Variants in LANCL1 observed in about 807,000 individuals in gnomAD.
The protein encoded by LANCL1 is LanC like glutathione S-transferase 1.
In LANCL1, 50 loss-of-function variants were observed where a neutral mutation model predicts 50.6. That is an observed-to-expected ratio of 0.99 (90% CI 0.79 to 1.25). The LOEUF is 1.25. LANCL1 is among the 50% of genes most tolerant of loss of function. LANCL1 has a pLI of 0.00. For synonymous variants in LANCL1, 188 were observed against 178.6 expected, an observed-to-expected ratio of 1.05 and a Z score of -0.42; for missense variants, 532 against 480.7, an observed-to-expected ratio of 1.11 and a Z score of -1.00.
intron 4 of LANCL1, among the ~76,000 whole-genome samples, chr2:210,449,561 T>C (rs1414070706): frequency 1.3e-5 from 2 of 152,200 alleles, no homozygotes; most frequent in East Asian, 1.9e-4. Flanking sequence ...GGAAGTCAAA[T>C]TGTCTCTGTC....
intron 4 of LANCL1, among the ~76,000 whole-genome samples, chr2:210,447,080 A>G (rs1693362516): frequency 6.6e-6 from 1 of 152,214 alleles, no homozygotes; most frequent in Non-Finnish European, 1.5e-5. Context: ...TGAAGGAAAA[A>G]GTGTTAAGGG....
At chr2:210,444,536 G>C (rs950272234) in intron 4 of LANCL1, among the ~76,000 whole-genome samples, 1 of 152,214 alleles carries the variant, frequency 6.6e-6, no homozygotes, top group East Asian at 1.9e-4. Context: ...AGCATGGCTA[G>C]TTGCAGTTAG....
chr2:210,465,821 G>T (rs775984027), intron 3 of LANCL1, among the ~76,000 whole-genome samples: 10 of 152,178 alleles, frequency 6.6e-5, no homozygotes, highest in Non-Finnish European at 1.5e-4. Flanking sequence ...GAGGAGAAAG[G>T]CTATCTGCCT....
At chr2:210,476,256 G>A (rs1694365469) in intron 2 of LANCL1, 60 bp downstream of exon 2, 2 of 1,234,098 alleles carry the variant, frequency 1.6e-6, no homozygotes, top group Non-Finnish European at 2.4e-6. Context: ...GCAAAAATGA[G>A]CACCTTTCCG....
intron 3 of LANCL1, chr2:210,460,442 G>T (rs962850498): frequency 2.6e-5 from 4 of 152,132 alleles, no homozygotes; most frequent in African/African-American, 7.2e-5. Context: ...AAACGTTAAT[G>T]GCTCATCAAT....
chr2:210,475,843 A>C (rs1694342155), intron 2 of LANCL1, among the ~76,000 whole-genome samples: 1 of 152,134 alleles, frequency 6.6e-6, no homozygotes, highest in African/African-American at 2.4e-5. Flanking sequence ...GGTACAAAGA[A>C]CTTCAGGTTT....
Position 210,436,445 on chromosome 2 carries a change from T to C in LANCL1, c.874-53A>G, listed in dbSNP as rs180868871. The C allele has an allele frequency of 1.8e-3, 2,707 of 1,519,690 alleles. 5 individuals are homozygous for C. The highest frequency in any genetic ancestry group is 2.4e-3 in the Non-Finnish European group (2,601 of 1,102,904). 94.1% of individuals were successfully genotyped at this position (1,519,690 alleles called of 1,614,324 possible). On this transcript the variant is annotated intron_variant, in intron 7 of 9. Transcript: ENST00000450366. The stretch of plus-strand genomic sequence containing the variant: ...ATACGGGATATAAAAGAAAGTTCCA[T>C]TGATATTCCTTCCTGATAGATAAGA...
At chr2:210,463,655 G>GT (rs1417144184) in intron 3 of LANCL1, among the ~76,000 whole-genome samples, 3 of 152,104 alleles carry the variant, frequency 2.0e-5, no homozygotes, top group African/African-American at 2.4e-5. Flanking sequence ...CATTATAGAA[G>GT]TAATTTGTTA....
At chr2:210,436,436 A>C (rs1391050600) in intron 7 of LANCL1, 44 bp from the exon 8 acceptor site, 1 of 1,563,800 alleles carries the variant, frequency 6.4e-7, no homozygotes, top group Admixed American at 1.7e-5. Flanking sequence ...GATATAAAAG[A>C]AAGTTCCATT....
intron 4 of LANCL1, among the ~76,000 whole-genome samples, chr2:210,441,876 G>A (rs1467438802): frequency 6.6e-6 from 1 of 151,586 alleles, no homozygotes; most frequent in African/African-American, 2.4e-5. Context: ...CTTGAAGTAG[G>A]TTTCATCTAT....
intron 3 of LANCL1, among the ~76,000 whole-genome samples, chr2:210,462,705 T>G (rs968508616): frequency 6.6e-6 from 1 of 152,192 alleles, no homozygotes; most frequent in East Asian, 1.9e-4. Context: ...GATTTTTTCA[T>G]TTTTCTAGCT....
At chr2:210,463,251 C>T (rs1461030631) in intron 3 of LANCL1, among the ~76,000 whole-genome samples, 1 of 151,824 alleles carries the variant, frequency 6.6e-6, no homozygotes, top group Non-Finnish European at 1.5e-5. Context: ...CCCTTTGTTG[C>T]TCAGGCTGGA....
intron 4 of LANCL1, among the ~76,000 whole-genome samples, chr2:210,444,999 T>C (rs1693267512): frequency 6.6e-6 from 1 of 152,124 alleles, no homozygotes; most frequent in Non-Finnish European, 1.5e-5. Context: ...GAAAACAAAA[T>C]GTGTTTATTA....
chr2:210,461,396 G>T (rs1008099782), intron 3 of LANCL1, among the ~76,000 whole-genome samples: 1 of 152,018 alleles, frequency 6.6e-6, no homozygotes, highest in Non-Finnish European at 1.5e-5. Flanking sequence ...CTCTGATGAA[G>T]AGCTACTTAC....
intron 3 of LANCL1, among the ~76,000 whole-genome samples, chr2:210,457,760 GCTAT>G (rs1383911051): frequency 6.6e-6 from 1 of 152,026 alleles, no homozygotes; most frequent in East Asian, 1.9e-4. Flanking sequence ...ATGCTTATGT[GCTAT>G]CTGTTAAGTT....
In LANCL1 at chr2:210,440,645, C is replaced by G; in HGVS notation, c.643G>C (p.Val215Leu). Residue 215 changes from valine (V) to leucine (L), a missense_variant, in exon 6 of 10, where the codon GTA becomes CTA. Physicochemically the swap from Val to Leu is conservative, Grantham distance 32 (BLOSUM62 1). Coordinates refer to ENST00000450366, the MANE Select transcript of LANCL1 (RefSeq NM_006055.3). The part of the protein sequence containing the change: ...LMYEWYQEYY[V>L]GAAHGLAGIY... ...CCAGCCAGGCCATGAGCAGCCCCTA[C>G]ATAATATTCCTGGTACCATTCATAC... 1 of 1,613,940 alleles carries G rather than the reference C, an allele frequency of 6.2e-7. No homozygotes were observed. The highest frequency in any genetic ancestry group is 8.5e-7 in the Non-Finnish European group (1 of 1,179,898).
intron 3 of LANCL1, among the ~76,000 whole-genome samples, chr2:210,467,847 TAAG>T (rs1317189405): frequency 1.3e-5 from 2 of 152,170 alleles, no homozygotes; most frequent in Non-Finnish European, 2.9e-5. Flanking sequence ...AATGAGGTAT[TAAG>T]AAGTTGGGCA....
At chr2:210,441,685 CT>C (rs962081366) in intron 4 of LANCL1, among the ~76,000 whole-genome samples, 21 of 152,130 alleles carry the variant, frequency 1.4e-4, no homozygotes, top group African/African-American at 4.8e-4. Context: ...CTGAGGCTAT[CT>C]GAAATCTCCC....
intron 6 of LANCL1, among the ~76,000 whole-genome samples, chr2:210,440,192 A>G (rs1255944726): frequency 6.6e-6 from 1 of 152,124 alleles, no homozygotes; most frequent in Non-Finnish European, 1.5e-5. Context: ...TTTGTTTTCT[A>G]TTGATTTTGT....
Sources: allele counts gnomAD v4.1 joint callset (sites outside exome capture counted in the v4.1 genomes callset), GRCh38; gene constraint gnomAD v4.1.1; transcripts MANE v1.5; gene names NCBI Gene and HGNC (gene_info 2026-07-23, HGNC 2026-07-21).